Variants in FYN observed in about 807,000 individuals in gnomAD.
FYN encodes the protein tyrosine-protein kinase Fyn.
A neutral mutation model predicts 70.2 loss-of-function variants in FYN; 10 were observed. The ratio of observed to expected loss-of-function variants is 0.14; its 90% CI spans 0.09 to 0.24. FYN has a LOEUF of 0.24. Among genes scored for constraint, FYN ranks in the 10% least tolerant of loss-of-function variants. The pLI is 1.00. For synonymous variants in FYN, 236 were observed against 248.6 expected, an observed-to-expected ratio of 0.95 and a Z score of 0.48; for missense variants, 319 against 673.1, an observed-to-expected ratio of 0.47 and a Z score of 5.82.
chr6:111,738,625 C>T (rs938497634), intron 3 of FYN, among the ~76,000 whole-genome samples: 1 of 152,192 alleles, frequency 6.6e-6, no homozygotes, highest in Non-Finnish European at 1.5e-5. Flanking sequence ...GCTGTCTGAG[C>T]AAGATGTGGC....
chr6:111,691,308 A>G (rs1799305003), intron 12 of FYN, among the ~76,000 whole-genome samples: 1 of 152,182 alleles, frequency 6.6e-6, no homozygotes, highest in South Asian at 2.1e-4. Context: ...GGGGTGACAG[A>G]TATTTCCGTG....
intron 2 of FYN, among the ~76,000 whole-genome samples, chr6:111,800,254 T>C (rs1411566142): frequency 6.6e-6 from 1 of 152,164 alleles, no homozygotes; most frequent in African/African-American, 2.4e-5. Context: ...TGATCTGTAA[T>C]AAGCAACGTA....
chr6:111,719,633 T>C, intron 4 of FYN, 172 bp downstream of exon 4: 2 of 737,252 alleles, frequency 2.7e-6, no homozygotes, highest in Non-Finnish European at 4.3e-6. Context: ...ATTTTGTTTG[T>C]ACATCAAACT....
At chr6:111,767,536 G>A (rs981232649) in intron 3 of FYN, among the ~76,000 whole-genome samples, 2 of 152,150 alleles carry the variant, frequency 1.3e-5, no homozygotes, top group Non-Finnish European at 1.5e-5. Flanking sequence ...GAGTAGCTGG[G>A]ACTACAGGCA....
intron 13 of FYN, among the ~76,000 whole-genome samples, chr6:111,671,146 A>G (rs1798249713): frequency 6.6e-6 from 1 of 152,096 alleles, no homozygotes; most frequent in South Asian, 2.1e-4. Context: ...ACTTTTCTCT[A>G]CCACCCCCGT....
At chr6:111,830,310 G>A (rs1772975666) in intron 2 of FYN, among the ~76,000 whole-genome samples, 1 of 152,164 alleles carries the variant, frequency 6.6e-6, no homozygotes, top group Non-Finnish European at 1.5e-5. Flanking sequence ...CAAGGAACCT[G>A]GAAAAATAGT....
At chr6:111,768,836 A>T (rs191566403) in intron 3 of FYN, among the ~76,000 whole-genome samples, 1 of 152,368 alleles carries the variant, frequency 6.6e-6, no homozygotes, top group African/African-American at 2.4e-5. Context: ...GGAGTCAACT[A>T]TAATTTCTGG....
At chr6:111,784,958 A>C (rs1371822550) in intron 2 of FYN, among the ~76,000 whole-genome samples, 1 of 152,226 alleles carries the variant, frequency 6.6e-6, no homozygotes, top group Non-Finnish European at 1.5e-5. Flanking sequence ...ATTCTGCTTC[A>C]CACATAGAAG....
At chr6:111,848,800 G>A (rs1340015853) in intron 1 of FYN, among the ~76,000 whole-genome samples, 1 of 152,144 alleles carries the variant, frequency 6.6e-6, no homozygotes, top group Non-Finnish European at 1.5e-5. Context: ...TTGAGAAAAA[G>A]TAAATGTTTA....
intron 3 of FYN, among the ~76,000 whole-genome samples, chr6:111,754,984 T>C (rs532246277): frequency 6.9e-6 from 1 of 144,940 alleles, no homozygotes; most frequent in Non-Finnish European, 1.5e-5. Context: ...TTTTTTTTTT[T>C]AAAGAACGGA....
At chr6:111,711,061 C>T (rs1800355090) in intron 5 of FYN, among the ~76,000 whole-genome samples, 1 of 152,180 alleles carries the variant, frequency 6.6e-6, no homozygotes, top group South Asian at 2.1e-4. Context: ...CCACACCCCA[C>T]ACCAAGAAAA....
At chr6:111,749,249 T>C (rs1680341708) in intron 3 of FYN, among the ~76,000 whole-genome samples, 1 of 152,190 alleles carries the variant, frequency 6.6e-6, no homozygotes, top group South Asian at 2.1e-4. Context: ...GCCCCAAATA[T>C]TGCCTGCTGA....
Position 111,661,232 on chromosome 6 carries a change from T to C in FYN, c.*507A>G, listed in dbSNP as rs1234821537. 6.5e-6 allele frequency: 1 copy of C among 152,752 alleles called. No individual in the cohort carries two copies. Among genetic ancestry groups the C allele is most frequent in the African/African-American group, 2.4e-5 (1 of 41,394 alleles). The allele number at this position is 152,752 out of a possible 1,614,324, so 9.5% of individuals were successfully genotyped here. On this transcript the variant is annotated 3_prime_UTR_variant, in exon 14 of 14. Transcript: ENST00000354650. The surrounding 1 kb of genome is among the most constrained non-coding windows in gnomAD (Gnocchi z 4.0). Reference sequence around the variant, plus strand: ...TATATGTACAGGGACATATATATTATATATATTCATATTTATAAAAAAGAA... The same window carrying C: ...TATATGTACAGGGACATATATATTACATATATTCATATTTATAAAAAAGAA...
intron 3 of FYN, among the ~76,000 whole-genome samples, chr6:111,773,856 G>A (rs1261829906): frequency 2.0e-5 from 3 of 152,088 alleles, no homozygotes; most frequent in Non-Finnish European, 2.9e-5. Context: ...TCAAACTGAT[G>A]TAGCCACTGT....
chr6:111,786,792 G>C (rs1685105747), intron 2 of FYN, among the ~76,000 whole-genome samples: 2 of 152,210 alleles, frequency 1.3e-5, no homozygotes, highest in African/African-American at 4.8e-5. Flanking sequence ...TTGTGGTTTT[G>C]ATTTGCATTT....
chr6:111,796,222 C>T (rs1771800348), intron 2 of FYN, among the ~76,000 whole-genome samples: 3 of 152,172 alleles, frequency 2.0e-5, no homozygotes, highest in Non-Finnish European at 2.9e-5. Flanking sequence ...GTATTTATTG[C>T]CAATCTAAGT....
intron 1 of FYN, among the ~76,000 whole-genome samples, chr6:111,864,845 C>T (rs570146363): frequency 6.6e-6 from 1 of 152,270 alleles, no homozygotes; most frequent in East Asian, 1.9e-4. Context: ...TGACCATGAG[C>T]CATTTGCCTC....
At chr6:111,863,444 T>C (rs1583502467) in intron 1 of FYN, among the ~76,000 whole-genome samples, 1 of 152,330 alleles carries the variant, frequency 6.6e-6, no homozygotes, top group East Asian at 1.9e-4. Context: ...ATGAAGTTGT[T>C]GGTGTTTATT....
Position 111,672,842 on chromosome 6 carries a change from T to G in FYN, c.1405+1657A>C, listed in dbSNP as rs1363996583. Among the ~76,000 whole-genome samples, 3 of 152,052 alleles carry G rather than the reference T, an allele frequency of 2.0e-5. No homozygotes were observed. In the Admixed American group the frequency reaches 2.0e-4, roughly 10 times the overall value. Reference sequence around the variant, plus strand: ...ATGAATCCTGGTCTAAGTGGTAAAATGAGGGCATTTTCTTTATGCTAAAAC... The same window carrying G: ...ATGAATCCTGGTCTAAGTGGTAAAAGGAGGGCATTTTCTTTATGCTAAAAC... On this transcript the variant is annotated intron_variant, in intron 13 of 13. Transcript: ENST00000354650.
Sources: allele counts gnomAD v4.1 joint callset (sites outside exome capture counted in the v4.1 genomes callset), GRCh38; gene constraint gnomAD v4.1.1; non-coding constraint Gnocchi (gnomAD v3.1); transcripts MANE v1.5; gene names NCBI Gene and HGNC (gene_info 2026-07-23, HGNC 2026-07-21).